ZC3H11A: variants seen among roughly 807,000 people sequenced by gnomAD.
ZC3H11A encodes the protein zinc finger CCCH-type containing 11A.
A neutral mutation model predicts 90.8 loss-of-function variants in ZC3H11A; 22 were observed. The observed-to-expected ratio is 0.24, with a 90% CI of 0.17 to 0.35. The LOEUF (loss-of-function observed/expected upper bound fraction) is 0.35, where lower values mean the gene tolerates loss of function less well. Among genes scored for constraint, ZC3H11A ranks in the 10% least tolerant of loss-of-function variants. The pLI is 1.00. For missense variants in ZC3H11A, 701 were observed against 964.9 expected, an observed-to-expected ratio of 0.73 and a Z score of 3.62; for synonymous variants, 294 against 339.8, an observed-to-expected ratio of 0.87 and a Z score of 1.48.
In ZC3H11A at chr1:203,809,534, G is replaced by T. The variant is rs146554087; in HGVS notation, c.-146+6518G>T. On this transcript the variant is annotated intron_variant, in intron 2 of 17. Transcript: ENST00000367210. The stretch of plus-strand genomic sequence containing the variant: ...AGCAATGCTATATCCTTTAAAACTT[G>T]CTGAGAGCATGAAGATTTTAAAATA... Among the ~76,000 whole-genome samples, 278 of 152,178 alleles carry T rather than the reference G, an allele frequency of 1.8e-3. 7 individuals are homozygous for T. The East Asian group carries it at 0.043, about 23-fold the overall frequency.
At chr1:203,803,783 C>A (rs183353702) in intron 2 of ZC3H11A, among the ~76,000 whole-genome samples, 4 of 151,964 alleles carry the variant, frequency 2.6e-5, no homozygotes, top group Admixed American at 6.6e-5. Flanking sequence ...TTTTTAAAAC[C>A]TTTTGTAGAG....
chr1:203,837,642 TTTTTA>T (rs765212484), intron 10 of ZC3H11A, among the ~76,000 whole-genome samples: 57 of 152,054 alleles, frequency 3.7e-4, no homozygotes, highest in Admixed American at 3.9e-4. Context: ...GCCTGACTAT[TTTTTA>T]TTTTAATTGT....
chr1:203,823,710 A>C (rs1361037131), intron 4 of ZC3H11A, among the ~76,000 whole-genome samples: 1 of 152,194 alleles, frequency 6.6e-6, no homozygotes, highest in Non-Finnish European at 1.5e-5. Flanking sequence ...TGAAAGAACT[A>C]AATACTTATA....
chr1:203,818,558 A>C lies in ZC3H11A; in HGVS notation c.55-12A>C. 4.3e-6 allele frequency: 7 copies of C among 1,613,728 alleles called. No individual in the cohort carries two copies. The highest frequency in any genetic ancestry group is 1.1e-5 in the South Asian group (1 of 91,070). ...CAATGCTACAAATAGAGTGTTCTCT[A>C]TTTGTTTACAGGGTGACAGCTGCCC... On this transcript the variant is annotated splice_polypyrimidine_tract_variant and intron_variant, in intron 3 of 17. Transcript: ENST00000367210.
At chr1:203,829,954 T>C in intron 7 of ZC3H11A, 58 bp downstream of exon 7, 1 of 1,500,800 alleles carries the variant, frequency 6.7e-7, no homozygotes, top group Non-Finnish European at 9.3e-7. Flanking sequence ...CTTTGAAATT[T>C]AGTTCACAAT....
At chr1:203,818,185 A>G (rs1246161610) in intron 3 of ZC3H11A, among the ~76,000 whole-genome samples, 1 of 152,090 alleles carries the variant, frequency 6.6e-6, no homozygotes, top group Non-Finnish European at 1.5e-5. Context: ...TATATTGTAT[A>G]TATGTTAATT....
chr1:203,837,448 G>A (rs1558132357), intron 10 of ZC3H11A, among the ~76,000 whole-genome samples: 1 of 149,064 alleles, frequency 6.7e-6, no homozygotes, highest in African/African-American at 2.5e-5. Context: ...TCTTTCCCTT[G>A]TCTCTCTTTT....
intron 2 of ZC3H11A, among the ~76,000 whole-genome samples, chr1:203,815,599 C>T (rs1010796045): frequency 3.3e-5 from 5 of 151,988 alleles, no homozygotes; most frequent in African/African-American, 1.2e-4. Context: ...ATAATACATT[C>T]TAGAAATGGA....
intron 16 of ZC3H11A, 55 bp from the exon 17 acceptor site, chr1:203,851,002 T>TTTTCAG: frequency 6.3e-7 from 1 of 1,581,502 alleles, no homozygotes; most frequent in Non-Finnish European, 8.6e-7. Flanking sequence ...AAAATGAATA[T>TTTTCAG]GCTCAAATTA....
chr1:203,839,181 A>G (rs1394104687), intron 11 of ZC3H11A, among the ~76,000 whole-genome samples: 1 of 152,106 alleles, frequency 6.6e-6, no homozygotes, highest in Non-Finnish European at 1.5e-5. Context: ...CGTGGACTAA[A>G]TCAAGAGATA....
intron 5 of ZC3H11A, 96 bp downstream of exon 5, chr1:203,828,518 T>C: frequency 7.1e-7 from 1 of 1,401,910 alleles, no homozygotes; most frequent in Non-Finnish European, 9.7e-7. Context: ...CTTTCAGTCT[T>C]GTGAAACAGC....
rs531973366 is a variant in ZC3H11A at position 203,850,477 on chromosome 1, AT to A, written c.1940-36del. The stretch of plus-strand genomic sequence containing the variant: ...AATTATTCCCCATTTAAAAGAGTCT[AT>A]TCTCACTGCTTATCAGATATTTTCT... On this transcript the variant is annotated intron_variant, in intron 15 of 17. Transcript: ENST00000367210. 24 of 1,612,018 alleles carry A rather than the reference AT, an allele frequency of 1.5e-5. No individual in the cohort carries two copies. In the South Asian group the frequency reaches 2.2e-4, roughly 15 times the overall value.
chr1:203,829,030 G>T (rs1681426392), intron 5 of ZC3H11A, among the ~76,000 whole-genome samples: 3 of 152,272 alleles, frequency 2.0e-5, no homozygotes, highest in African/African-American at 7.2e-5. Context: ...AAATTTGATG[G>T]CTACATCTTT....
At chr1:203,831,191 C>A (rs143322592) in intron 8 of ZC3H11A, among the ~76,000 whole-genome samples, 3 of 151,768 alleles carry the variant, frequency 2.0e-5, no homozygotes, top group Non-Finnish European at 4.4e-5. Flanking sequence ...TAATCCACTG[C>A]GCCCAGCCCC....
At position 203,801,786 on chromosome 1, in the gene ZC3H11A, A is replaced by G. The variant is rs1304689718; in HGVS notation, c.-1376A>G. 6.7e-6 allele frequency: 1 copy of G among 150,260 alleles called. No individual in the cohort carries two copies. Among genetic ancestry groups the G allele is most frequent in the African/African-American group, 2.5e-5 (1 of 40,800 alleles). The allele number at this position is 150,260 out of a possible 1,614,324, so 9.3% of individuals were successfully genotyped here. On this transcript the variant is annotated 5_prime_UTR_variant, in exon 2 of 18. The change abolishes an upstream ATG in the 5' untranslated region. Transcript: ENST00000367210. ...GTTTCAAAGTTTAGAACTCATTTCT[A>G]TGTATCAAAATCGGGTTTTTTTTGG... is the stretch of plus-strand genomic sequence containing the variant.
intron 13 of ZC3H11A, among the ~76,000 whole-genome samples, 191 bp from the exon 14 acceptor site, chr1:203,848,140 G>A (rs532465196): frequency 9.2e-5 from 14 of 152,286 alleles, no homozygotes; most frequent in Admixed American, 3.3e-4. Flanking sequence ...TTACAGGTGT[G>A]AGCCACCATG....
At position 203,798,968 on chromosome 1, in the gene ZC3H11A, G is replaced by A. The variant is rs1220138078; in HGVS notation, c.-1587-2607G>A. ...ATGTTCAAAGCCAAAAGATACACCT[G>A]ACTGTTGACATATGGACCCATGACC... is the stretch of plus-strand genomic sequence containing the variant. On this transcript the variant is annotated intron_variant, in intron 1 of 17. Transcript: ENST00000367210. 11 of 1,535,962 alleles carry A rather than the reference G, an allele frequency of 7.2e-6. No individual in the cohort carries two copies. The Admixed American group carries it at 2.0e-4, about 27-fold the overall frequency.
intron 1 of ZC3H11A, chr1:203,797,865 T>C (rs564864482): frequency 6.5e-7 from 1 of 1,536,084 alleles, no homozygotes; most frequent in South Asian, 1.2e-5. Flanking sequence ...AGAAAGTCTT[T>C]TTGAGAGCAA....
intron 10 of ZC3H11A, 184 bp downstream of exon 10, chr1:203,834,037 A>C (rs1400563090): frequency 7.9e-7 from 1 of 1,267,460 alleles, no homozygotes; most frequent in African/African-American, 1.5e-5. Flanking sequence ...AGAGATTTAA[A>C]GTGTTACAAT....
Sources: gnomAD v4.1 joint callset for allele counts (sites outside exome capture counted in the v4.1 genomes callset) on GRCh38, gnomAD v4.1.1 for gene constraint, MANE v1.5 for transcripts, NCBI Gene and HGNC (gene_info 2026-07-23, HGNC 2026-07-21) for gene names.